The following WDPCP variants were observed in gnomAD, a reference collection of about 807,000 sequenced individuals.
WDPCP encodes the protein WD repeat containing planar cell polarity effector.
A neutral mutation model predicts 93.1 loss-of-function variants in WDPCP; 71 were observed. The ratio of observed to expected loss-of-function variants is 0.76; its 90% CI spans 0.63 to 0.93. The LOEUF (loss-of-function observed/expected upper bound fraction) is 0.93. Ranked by LOEUF, WDPCP falls within the 40% of genes least tolerant of loss-of-function variation. The probability of loss-of-function intolerance (pLI) is 0.00; values close to 1 mark genes in which losing one functional copy is unlikely to be tolerated. For synonymous variants in WDPCP, 315 were observed against 315.0 expected (o/e 1.00, Z 0.00); for missense variants, 844 against 887.4 (o/e 0.95, Z 0.62).
At chr2:63,561,975 A>G (rs1313815631) in intron 1 of WDPCP, among the ~76,000 whole-genome samples, 1 of 152,230 alleles carries the variant, frequency 6.6e-6, no homozygotes, top group Non-Finnish European at 1.5e-5. Context: ...TTCCTCAAAG[A>G]TCTAGAACCA....
rs971400644 is a variant in WDPCP at position 63,703,136 on chromosome 2, G to C, written n.309-52298C>G. ...CAGTCTATCATTGTTGGACATTTGG[G>C]TTGGTTCCAAGTCTTTGCTATTGTG... On this transcript the variant is annotated intron_variant and non_coding_transcript_variant, in intron 2 of 4. Transcript: ENST00000467687. Among the ~76,000 whole-genome samples the C allele has an allele frequency of 4.0e-4, 61 of 152,214 alleles. 1 individual carries two copies. Among genetic ancestry groups the C allele is most frequent in the African/African-American group, 1.3e-3 (56 of 41,526 alleles).
rs942454399 is a variant in WDPCP at position 63,366,532 on chromosome 2, A to G, written c.1748+11854T>C. Among the ~76,000 whole-genome samples, 39 of 116,556 alleles carry G rather than the reference A, an allele frequency of 3.3e-4. 2 individuals are homozygous for G. The Admixed American group carries it at 3.4e-3, about 10-fold the overall frequency. The allele number at this position is 116,556 out of a possible 152,430, so 76.5% of individuals were successfully genotyped here. On this transcript the variant is annotated intron_variant, in intron 12 of 17. Coordinates refer to ENST00000272321, the MANE Select transcript of WDPCP (RefSeq NM_015910.7). ...CTCATTGTGCCCTTATTATCTATCT[A>G]TCTTCCAGACTTTCGCTTAAATTCT... is the stretch of plus-strand genomic sequence containing the variant.
intron 2 of WDPCP, among the ~76,000 whole-genome samples, chr2:63,754,076 A>G (rs1669921410): frequency 6.6e-6 from 1 of 152,228 alleles, no homozygotes; most frequent in Non-Finnish European, 1.5e-5. Flanking sequence ...GAAGGGAGGG[A>G]TCTGAAATAC....
intron 13 of WDPCP, among the ~76,000 whole-genome samples, chr2:63,267,941 A>T (rs1233540906): frequency 6.6e-6 from 1 of 152,060 alleles, no homozygotes; most frequent in African/African-American, 2.4e-5. Flanking sequence ...AACTAAAAAC[A>T]CCATATGATC....
intron 14 of WDPCP, among the ~76,000 whole-genome samples, chr2:63,185,905 TCCCACCTCCCGGCCCC>T (rs148936804): frequency 0.02 from 3,023 of 152,088 alleles, 114 homozygotes; most frequent in African/African-American, 0.069. Context: ...CTTTCGCTGC[TCCCACCTCCCGGCCCC>T]CCCACCTCCC....
chr2:63,817,783 T>C (rs544037501), intron 1 of WDPCP, among the ~76,000 whole-genome samples: 15 of 152,330 alleles, frequency 9.8e-5, no homozygotes, highest in African/African-American at 3.6e-4. Context: ...AATTATAGTC[T>C]GTGACTACAT....
At chr2:63,145,661 A>G (rs1671444786) in intron 17 of WDPCP, among the ~76,000 whole-genome samples, 1 of 152,132 alleles carries the variant, frequency 6.6e-6, no homozygotes, top group Non-Finnish European at 1.5e-5. Context: ...ATGGGCTTGA[A>G]AACTTGTCCT....
intron 15 of WDPCP, among the ~76,000 whole-genome samples, chr2:63,160,805 G>GTT (rs1672594437): frequency 6.6e-6 from 1 of 152,114 alleles, no homozygotes; most frequent in Non-Finnish European, 1.5e-5. Flanking sequence ...AAAGGTTGAT[G>GTT]GGGAAGTTTA....
chr2:63,576,547 G>C (rs1708129309), intron 1 of WDPCP, among the ~76,000 whole-genome samples: 1 of 152,216 alleles, frequency 6.6e-6, no homozygotes, highest in African/African-American at 2.4e-5. Flanking sequence ...CTATCCAGAA[G>C]CTCTCTGAAC....
chr2:63,826,274 T>C (rs1254658721), intron 1 of WDPCP, among the ~76,000 whole-genome samples: 1 of 152,038 alleles, frequency 6.6e-6, no homozygotes, highest in Non-Finnish European at 1.5e-5. Context: ...CTTAATTTAA[T>C]ACATATCCTC....
intron 12 of WDPCP, among the ~76,000 whole-genome samples, chr2:63,353,207 C>CA (rs1689760613): frequency 6.6e-6 from 1 of 152,164 alleles, no homozygotes; most frequent in African/African-American, 2.4e-5. Context: ...GTCTGACAGA[C>CA]AGAGCTACCT....
intron 16 of WDPCP, 131 bp downstream of exon 16, chr2:63,153,364 A>G (rs1444305106): frequency 3.3e-6 from 2 of 614,814 alleles, no homozygotes; most frequent in Non-Finnish European, 5.5e-6. Flanking sequence ...TATATCAATG[A>G]CAAGCAGTCT....
At chr2:63,596,014 A>T (rs1421667889) in intron 3 of WDPCP, among the ~76,000 whole-genome samples, 3 of 152,208 alleles carry the variant, frequency 2.0e-5, no homozygotes, top group Non-Finnish European at 4.4e-5. Context: ...TCAGGTTGAG[A>T]CATAGTGTAA....
chr2:63,397,380 G>A (rs574576534), intron 10 of WDPCP, among the ~76,000 whole-genome samples: 1 of 152,258 alleles, frequency 6.6e-6, no homozygotes, highest in South Asian at 2.1e-4. Flanking sequence ...CTTCATGTCT[G>A]CACATAATGA....
upstream of WDPCP, among the ~76,000 whole-genome samples, chr2:63,832,432 G>C (rs780637276): frequency 2.6e-5 from 4 of 151,722 alleles, no homozygotes; most frequent in East Asian, 3.9e-4. Context: ...GTTGGGGTGG[G>C]GGGGGGAAAT....
intron 3 of WDPCP, among the ~76,000 whole-genome samples, chr2:63,604,304 G>GAGA (rs1244548010): frequency 6.6e-6 from 1 of 152,164 alleles, no homozygotes. Context: ...CAGAAGCACT[G>GAGA]AGAAGACATC....
chr2:63,429,896 T>C (rs1408865341), intron 9 of WDPCP, among the ~76,000 whole-genome samples: 2 of 151,658 alleles, frequency 1.3e-5, no homozygotes, highest in African/African-American at 2.4e-5. Context: ...GTAAATTCAC[T>C]GCAGTGCTAT....
At chr2:63,469,211 G>A (rs962938031) in intron 6 of WDPCP, among the ~76,000 whole-genome samples, 1 of 152,228 alleles carries the variant, frequency 6.6e-6, no homozygotes, top group African/African-American at 2.4e-5. Context: ...ATGCTGGTGA[G>A]GTTGCAGAGA....
At chr2:63,813,493 C>T (rs1172420787) in intron 2 of WDPCP, 1 of 152,230 alleles carries the variant, frequency 6.6e-6, no homozygotes, top group East Asian at 1.9e-4. Flanking sequence ...ATGTGTTCTA[C>T]ACTTCATGGA....
Sources: allele counts gnomAD v4.1 joint callset (sites outside exome capture counted in the v4.1 genomes callset), GRCh38; gene constraint gnomAD v4.1.1; transcripts MANE v1.5; gene names NCBI Gene and HGNC (gene_info 2026-07-23, HGNC 2026-07-21).